Variants in PTPRM observed in about 807,000 individuals in gnomAD.
PTPRM encodes the protein receptor-type tyrosine-protein phosphatase mu.
Under a neutral mutation model 186.7 loss-of-function variants are expected in PTPRM, and 47 were observed. The ratio of observed to expected loss-of-function variants is 0.25; its 90% CI spans 0.20 to 0.32. PTPRM has a LOEUF of 0.32. Ranked by LOEUF, PTPRM falls within the 10% of genes least tolerant of loss-of-function variation. The probability of loss-of-function intolerance (pLI) is 1.00; values close to 1 mark genes in which losing one functional copy is unlikely to be tolerated. For missense variants in PTPRM, 1,494 were observed against 1,865.0 expected, an observed-to-expected ratio of 0.80 and a Z score of 3.66; for synonymous variants, 668 against 674.9, an observed-to-expected ratio of 0.99 and a Z score of 0.16.
intron 2 of PTPRM, among the ~76,000 whole-genome samples, chr18:7,886,835 A>G (rs1025339278): frequency 6.6e-6 from 1 of 152,212 alleles, no homozygotes; most frequent in Non-Finnish European, 1.5e-5. Flanking sequence ...TTAATCGGTG[A>G]AGGATATCTA....
intron 7 of PTPRM, among the ~76,000 whole-genome samples, chr18:7,997,564 G>A (rs992024369): frequency 1.3e-5 from 2 of 152,124 alleles, no homozygotes; most frequent in Non-Finnish European, 1.5e-5. Flanking sequence ...CACAGCAAAG[G>A]AGACAATCAA....
intron 22 of PTPRM, among the ~76,000 whole-genome samples, chr18:8,319,824 G>A (rs1438639417): frequency 6.6e-6 from 1 of 152,232 alleles, no homozygotes; most frequent in East Asian, 1.9e-4. Context: ...AGATGTGGAA[G>A]CAGAAAGTTA....
At chr18:8,053,747 C>T (rs563175739) in intron 7 of PTPRM, among the ~76,000 whole-genome samples, 1 of 152,258 alleles carries the variant, frequency 6.6e-6, no homozygotes, top group East Asian at 1.9e-4. Context: ...GGAGAACTGA[C>T]ACCTTTACCA....
chr18:8,037,695 A>T (rs1460536180), intron 7 of PTPRM, among the ~76,000 whole-genome samples: 1 of 152,112 alleles, frequency 6.6e-6, no homozygotes, highest in Non-Finnish European at 1.5e-5. Flanking sequence ...GATTTGTAAA[A>T]TCTTAAGTGA....
chr18:7,572,692 A>G (rs1434786208), intron 1 of PTPRM, among the ~76,000 whole-genome samples: 1 of 152,078 alleles, frequency 6.6e-6, no homozygotes. Flanking sequence ...TCCACCATGC[A>G]TTTTACTTTA....
chr18:8,367,493 G>T (rs1170629056), intron 23 of PTPRM, among the ~76,000 whole-genome samples: 3 of 152,256 alleles, frequency 2.0e-5, no homozygotes, highest in Non-Finnish European at 2.9e-5. Flanking sequence ...CCCTCGCTTC[G>T]CTGGGAGAGC....
intron 3 of PTPRM, among the ~76,000 whole-genome samples, chr18:7,890,335 G>A (rs955242894): frequency 3.3e-5 from 5 of 152,084 alleles, no homozygotes; most frequent in South Asian, 2.1e-4. Flanking sequence ...CAAAATGGGC[G>A]TGAACAGCAT....
At chr18:7,978,595 G>C (rs1033333794) in intron 7 of PTPRM, among the ~76,000 whole-genome samples, 3 of 152,096 alleles carry the variant, frequency 2.0e-5, no homozygotes, top group African/African-American at 7.2e-5. Flanking sequence ...GCGAATGTTG[G>C]TAACACTTTC....
chr18:7,984,282 A>G (rs1238936420), intron 7 of PTPRM, among the ~76,000 whole-genome samples: 1 of 152,042 alleles, frequency 6.6e-6, no homozygotes, highest in Non-Finnish European at 1.5e-5. Flanking sequence ...AATGATTGCA[A>G]GAGAGATAAC....
At chr18:7,574,665 G>A (rs1200056628) in intron 1 of PTPRM, among the ~76,000 whole-genome samples, 3 of 152,234 alleles carry the variant, frequency 2.0e-5, no homozygotes. Flanking sequence ...GTAGATGTAA[G>A]ATTTGGAATT....
At chr18:7,695,476 T>C (rs1195364640) in intron 1 of PTPRM, among the ~76,000 whole-genome samples, 1 of 152,226 alleles carries the variant, frequency 6.6e-6, no homozygotes, top group East Asian at 1.9e-4. Flanking sequence ...CGTCTTGCAG[T>C]TATTTCTGAA....
chr18:8,338,346 T>C (rs1212143433), intron 22 of PTPRM, among the ~76,000 whole-genome samples: 1 of 144,860 alleles, frequency 6.9e-6, no homozygotes, highest in Non-Finnish European at 1.5e-5. Flanking sequence ...CAAGGTTCTA[T>C]GTCATTACAT....
At chr18:7,841,491 T>G (rs112821039) in intron 2 of PTPRM, among the ~76,000 whole-genome samples, 60 of 152,106 alleles carry the variant, frequency 3.9e-4, no homozygotes, top group African/African-American at 1.3e-3. Context: ...AGACGGGTTT[T>G]CACCATGTTT....
At chr18:8,326,228 A>G (rs56213908) in intron 22 of PTPRM, among the ~76,000 whole-genome samples, 9,807 of 152,112 alleles carry the variant, frequency 0.064, 576 homozygotes, top group African/African-American at 0.16. Flanking sequence ...TTGACATCTG[A>G]GGAGGTGTAA....
At chr18:8,184,616 C>T (rs984723081) in intron 14 of PTPRM, among the ~76,000 whole-genome samples, 7 of 152,152 alleles carry the variant, frequency 4.6e-5, no homozygotes, top group African/African-American at 7.2e-5. Context: ...TTAATATATA[C>T]CAAGAAGCTA....
chr18:8,200,801 A>G (rs550054232), intron 14 of PTPRM, among the ~76,000 whole-genome samples: 139 of 152,368 alleles, frequency 9.1e-4, no homozygotes, highest in African/African-American at 3.1e-3. Context: ...GTGTTTCTGT[A>G]TATGTGTGAG....
rs1465216125 is a variant in PTPRM, at chr18:8,126,014, TATATATATATA to T, written c.2167+11188_2167+11198del. On this transcript the variant is annotated intron_variant, in intron 13 of 32. Coordinates refer to ENST00000580170, the MANE Select transcript of PTPRM (RefSeq NM_001105244.2). Reference sequence around the variant, plus strand: ...ATATATATATATATATATATATATATATATATATATATATTTTAAATCAGTAGACCTTTCCA... The same window carrying T: ...ATATATATATATATATATATATATATTATTTTAAATCAGTAGACCTTTCCA... Among the ~76,000 whole-genome samples the T allele has an allele frequency of 3.7e-3, 90 of 24,618 alleles. 11 individuals carry two copies. The highest frequency in any genetic ancestry group is 9.3e-3 in the South Asian group (7 of 750). 16.2% of individuals were successfully genotyped at this position (24,618 alleles called of 152,430 possible).
intron 1 of PTPRM, among the ~76,000 whole-genome samples, chr18:7,684,075 C>T (rs73939338): frequency 0.019 from 2,934 of 152,102 alleles, 87 homozygotes; most frequent in African/African-American, 0.067. Context: ...TCTAAGAAAG[C>T]GCTCCACTGA....
chr18:8,081,341 T>C (rs938879996), intron 9 of PTPRM, among the ~76,000 whole-genome samples: 1 of 152,194 alleles, frequency 6.6e-6, no homozygotes, highest in African/African-American at 2.4e-5. Flanking sequence ...AGTTTGCTTT[T>C]GACATGGCAC....
Sources: gnomAD v4.1 joint callset for allele counts (sites outside exome capture counted in the v4.1 genomes callset) on GRCh38, gnomAD v4.1.1 for gene constraint, MANE v1.5 for transcripts, NCBI Gene and HGNC (gene_info 2026-07-23, HGNC 2026-07-21) for gene names.